The following PCDHA13 variants were observed in gnomAD, a reference collection of about 807,000 sequenced individuals.
PCDHA13 encodes the protein protocadherin alpha 13.
A neutral mutation model predicts 64.8 loss-of-function variants in PCDHA13; 54 were observed. The observed-to-expected ratio is 0.83, with a 90% CI of 0.67 to 1.04. The LOEUF is 1.04. PCDHA13 is among the 50% of genes least tolerant of loss of function. The pLI is 0.00. For missense variants in PCDHA13, 1,248 were observed against 1,254.3 expected (o/e 0.99, Z 0.08); for synonymous variants, 587 against 564.4 (o/e 1.04, Z -0.57).
chr5:140,968,185 C>T (rs1554230464), intron 1 of PCDHA13: 1 of 1,614,034 alleles, frequency 6.2e-7, no homozygotes, highest in East Asian at 2.2e-5. Context: ...TGGAGGACTC[C>T]TATTCCATCT....
chr5:140,926,890 A>ACCCTCCCT (rs782687521), intron 1 of PCDHA13: 1 of 1,543,756 alleles, frequency 6.5e-7, no homozygotes, highest in Non-Finnish European at 8.7e-7. Context: ...GCCTAGAGGG[A>ACCCTCCCT]GGATGGTGGG....
In PCDHA13 at chr5:140,951,072, T is replaced by G. The variant is rs551891980; in HGVS notation, c.2395-27877T>G. Among the ~76,000 whole-genome samples the G allele has an allele frequency of 1.1e-4, 16 of 152,184 alleles. No individual in the cohort carries two copies. The South Asian group carries it at 3.1e-3, about 30-fold the overall frequency. ...ATTGCTAAAATTTCCATTGGCTTTCTTATATTTTCCTTTTTTTCTGATAAG... is the reference window on the plus strand; with the variant it reads ...ATTGCTAAAATTTCCATTGGCTTTCGTATATTTTCCTTTTTTTCTGATAAG... On this transcript the variant is annotated intron_variant, in intron 1 of 3. Transcript: ENST00000289272.
At chr5:140,996,098 A>G (rs1173929406) in intron 3 of PCDHA13, among the ~76,000 whole-genome samples, 1 of 152,214 alleles carries the variant, frequency 6.6e-6, no homozygotes, top group Non-Finnish European at 1.5e-5. Context: ...ATTACATGGA[A>G]TGGTATGGAA....
At chr5:140,968,437 A>G (rs1267054987) in intron 1 of PCDHA13, 2 of 1,614,072 alleles carry the variant, frequency 1.2e-6, no homozygotes, top group Admixed American at 3.3e-5. Context: ...AGGGGAGCCC[A>G]CCACTGAGCA....
chr5:140,920,853 A>G (rs375783359), intron 1 of PCDHA13, among the ~76,000 whole-genome samples: 2 of 152,062 alleles, frequency 1.3e-5, no homozygotes, highest in Non-Finnish European at 2.9e-5. Context: ...AAAAAAAAAA[A>G]AAAAACAAAC....
intron 1 of PCDHA13, among the ~76,000 whole-genome samples, chr5:140,908,277 T>C (rs2073893618): frequency 6.6e-6 from 1 of 152,162 alleles, no homozygotes; most frequent in Non-Finnish European, 1.5e-5. Context: ...CATGAGGCCA[T>C]TGTTGCAAGC....
chr5:140,951,543 C>CG (rs1201907714), intron 1 of PCDHA13, among the ~76,000 whole-genome samples: 2 of 151,428 alleles, frequency 1.3e-5, no homozygotes. Flanking sequence ...GAGCAAGGGA[C>CG]GGGGGGAAGT....
intron 1 of PCDHA13, among the ~76,000 whole-genome samples, chr5:140,965,277 G>A (rs1209263426): frequency 6.6e-6 from 1 of 152,196 alleles, no homozygotes; most frequent in African/African-American, 2.4e-5. Context: ...CAATGACACA[G>A]CATGGAAAGA....
intron 1 of PCDHA13, among the ~76,000 whole-genome samples, chr5:140,949,545 T>G (rs1173643616): frequency 6.6e-6 from 1 of 151,906 alleles, no homozygotes; most frequent in Non-Finnish European, 1.5e-5. Flanking sequence ...ATCGATTTGT[T>G]GCTGGTCATA....
chr5:140,884,731 C>T (rs2060333216), intron 1 of PCDHA13, 69 bp downstream of exon 1: 2 of 1,449,296 alleles, frequency 1.4e-6, no homozygotes, highest in East Asian at 4.9e-5. Flanking sequence ...TTGTTTAAGA[C>T]ATCTTTCCTG....
intron 1 of PCDHA13, among the ~76,000 whole-genome samples, chr5:140,916,847 C>G (rs1276107761): frequency 6.6e-6 from 1 of 152,116 alleles, no homozygotes; most frequent in Non-Finnish European, 1.5e-5. Flanking sequence ...GAGCCCAGCC[C>G]AGCACTAGGA....
chr5:140,927,910 C>A lies in PCDHA13; in HGVS notation c.2394+43248C>A, dbSNP rs782484227. 2.5e-6 allele frequency: 4 copies of A among 1,614,216 alleles called. No homozygotes were observed. In the South Asian group the frequency reaches 3.3e-5, roughly 13 times the overall value. On this transcript the variant is annotated intron_variant, in intron 1 of 3. Transcript: ENST00000289272. ...TGACGTGAACGATCATGCCCCCGAACTGGACTTCCTGACTCTTTCGAACCC... is the reference window on the plus strand; with the variant it reads ...TGACGTGAACGATCATGCCCCCGAAATGGACTTCCTGACTCTTTCGAACCC...
rs2098421437 is a variant in PCDHA13, at chr5:141,011,660, T to G, written c.*1723T>G. The G allele has an allele frequency of 6.5e-6, 1 of 153,726 alleles. No individual in the cohort carries two copies. Among genetic ancestry groups the G allele is most frequent in the African/African-American group, 2.4e-5 (1 of 41,436 alleles). The allele number at this position is 153,726 out of a possible 1,614,324, so 9.5% of individuals were successfully genotyped here. On this transcript the variant is annotated 3_prime_UTR_variant, in exon 4 of 4. Coordinates refer to ENST00000289272, the MANE Select transcript of PCDHA13 (RefSeq NM_018904.3). ...GCCAAGACTTCTGCTGGCAAGGGAATGGATAAAGCTGTTTTGTTCTAGTAA... is the reference window on the plus strand; with the variant it reads ...GCCAAGACTTCTGCTGGCAAGGGAAGGGATAAAGCTGTTTTGTTCTAGTAA...
At chr5:140,912,689 C>T (rs879967123) in intron 1 of PCDHA13, among the ~76,000 whole-genome samples, 1 of 152,112 alleles carries the variant, frequency 6.6e-6, no homozygotes, top group Admixed American at 6.5e-5. Context: ...TTCCAGGTCT[C>T]AGGGGGAATG....
chr5:140,988,658 T>C (rs1470835683), intron 3 of PCDHA13, among the ~76,000 whole-genome samples: 7 of 152,232 alleles, frequency 4.6e-5, no homozygotes, highest in African/African-American at 9.6e-5. Flanking sequence ...TTTTTGTTTA[T>C]GAATAGACTC....
At chr5:140,922,289 G>C (rs1554200767) in intron 1 of PCDHA13, among the ~76,000 whole-genome samples, 1 of 152,222 alleles carries the variant, frequency 6.6e-6, no homozygotes, top group Non-Finnish European at 1.5e-5. Flanking sequence ...ATATGAAAAT[G>C]CTAGGAGAGG....
chr5:140,889,067 C>T (rs1169049844), intron 1 of PCDHA13, among the ~76,000 whole-genome samples: 1 of 151,942 alleles, frequency 6.6e-6, no homozygotes, highest in Admixed American at 6.6e-5. Flanking sequence ...TAATATACTA[C>T]TTATTTTGTT....
intron 1 of PCDHA13, among the ~76,000 whole-genome samples, chr5:140,898,530 T>A (rs1256781089): frequency 6.6e-6 from 1 of 152,228 alleles, no homozygotes; most frequent in African/African-American, 2.4e-5. Flanking sequence ...GAGGGCTCTG[T>A]TCTGTTCCAT....
At chr5:140,950,131 C>G (rs1030150193) in intron 1 of PCDHA13, among the ~76,000 whole-genome samples, 6 of 151,858 alleles carry the variant, frequency 4.0e-5, no homozygotes, top group Non-Finnish European at 7.4e-5. Flanking sequence ...CCACAAGACA[C>G]AGTTATAATT....
Sources: gnomAD v4.1 joint callset for allele counts (sites outside exome capture counted in the v4.1 genomes callset) on GRCh38, gnomAD v4.1.1 for gene constraint, MANE v1.5 for transcripts, NCBI Gene and HGNC (gene_info 2026-07-23, HGNC 2026-07-21) for gene names.